Variants in THSD7A observed in about 807,000 individuals in gnomAD.
THSD7A encodes the protein thrombospondin type 1 domain containing 7A.
In THSD7A, 96 loss-of-function variants were observed where a neutral mutation model predicts 231.3. The ratio of observed to expected loss-of-function variants is 0.41; its 90% CI spans 0.35 to 0.49. The LOEUF is 0.49. Ranked by LOEUF, THSD7A falls within the 20% of genes least tolerant of loss-of-function variation. The pLI is 0.05. For missense variants in THSD7A, 2,290 were observed against 2,070.2 expected, an observed-to-expected ratio of 1.11 and a Z score of -2.06; for synonymous variants, 940 against 743.3, an observed-to-expected ratio of 1.26 and a Z score of -4.30.
intron 6 of THSD7A, among the ~76,000 whole-genome samples, chr7:11,498,893 A>G (rs1206264745): frequency 6.6e-6 from 1 of 152,070 alleles, no homozygotes; most frequent in African/African-American, 2.4e-5. Flanking sequence ...GCCCTATGGA[A>G]AAGTGGCCAG....
chr7:11,496,479 G>C (rs1292217124), intron 6 of THSD7A, among the ~76,000 whole-genome samples: 1 of 152,122 alleles, frequency 6.6e-6, no homozygotes. Flanking sequence ...GATGGAGTTG[G>C]AGATTCAGTG....
chr7:11,811,212 G>A lies in THSD7A; in HGVS notation c.190+20545C>T, dbSNP rs762440061. On this transcript the variant is annotated intron_variant, in intron 1 of 27. Coordinates refer to ENST00000423059, the MANE Select transcript of THSD7A (RefSeq NM_015204.3). ...AACAAATTTCCTATGCACATTAACCGACAGAATTATCAAGCACACACACAC... is the reference window on the plus strand; with the variant it reads ...AACAAATTTCCTATGCACATTAACCAACAGAATTATCAAGCACACACACAC... 2.5e-4 allele frequency among the ~76,000 whole-genome samples: 38 copies of A among 152,096 alleles called. 1 individual carries two copies. Among genetic ancestry groups the A allele is most frequent in the African/African-American group, 2.4e-5 (1 of 41,486 alleles).
chr7:11,407,161 G>A (rs111863392), intron 20 of THSD7A, 106 bp from the exon 21 acceptor site: 5 of 1,491,160 alleles, frequency 3.4e-6, no homozygotes, highest in Non-Finnish European at 3.7e-6. Flanking sequence ...GGCAATCCAG[G>A]AACAAGTAAG....
chr7:11,720,669 A>G (rs1321294383), intron 1 of THSD7A, among the ~76,000 whole-genome samples: 1 of 151,536 alleles, frequency 6.6e-6, no homozygotes, highest in Non-Finnish European at 1.5e-5. Flanking sequence ...ACTGGTTCTT[A>G]TCTCCATCAC....
Position 11,412,636 on chromosome 7 carries a change from T to A in THSD7A, c.3682+20A>T. ...ACAGGATTTGGACTTAACTCCGTGA[T>A]CAGATGATGATCCATGTACCTGTTA... On this transcript the variant is annotated intron_variant, in intron 18 of 27. Coordinates refer to ENST00000423059, the MANE Select transcript of THSD7A (RefSeq NM_015204.3). 1.2e-6 allele frequency: 2 copies of A among 1,613,254 alleles called. No individual in the cohort carries two copies. Among genetic ancestry groups the A allele is most frequent in the South Asian group, 1.1e-5 (1 of 90,988 alleles).
intron 23 of THSD7A, among the ~76,000 whole-genome samples, chr7:11,391,509 T>G (rs1782980022): frequency 6.6e-6 from 1 of 152,192 alleles, no homozygotes; most frequent in African/African-American, 2.4e-5. Context: ...TTCAAGCCAG[T>G]GGATCTTAGC....
At chr7:11,550,514 C>T (rs1224406856) in intron 4 of THSD7A, among the ~76,000 whole-genome samples, 2 of 152,110 alleles carry the variant, frequency 1.3e-5, no homozygotes, top group Non-Finnish European at 2.9e-5. Flanking sequence ...AGTGAGTTCT[C>T]ACAATATCTG....
intron 4 of THSD7A, among the ~76,000 whole-genome samples, chr7:11,584,883 C>T (rs929301): frequency 0.72 from 108,951 of 151,988 alleles, 39,404 homozygotes; most frequent in Admixed American, 0.82. Context: ...AGTGTGAGTG[C>T]GAATATAGCC....
chr7:11,465,534 G>A (rs1181611664), intron 9 of THSD7A, among the ~76,000 whole-genome samples: 1 of 151,958 alleles, frequency 6.6e-6, no homozygotes, highest in Non-Finnish European at 1.5e-5. Flanking sequence ...ATTTCACCGA[G>A]AAATTACTTG....
intron 6 of THSD7A, among the ~76,000 whole-genome samples, chr7:11,489,065 C>T (rs1281784507): frequency 6.6e-6 from 1 of 152,116 alleles, no homozygotes; most frequent in Non-Finnish European, 1.5e-5. Context: ...TCCCTGTTCA[C>T]TCACCTTTAC....
intron 4 of THSD7A, among the ~76,000 whole-genome samples, chr7:11,547,761 C>T (rs558508038): frequency 6.6e-6 from 1 of 152,232 alleles, no homozygotes; most frequent in Non-Finnish European, 1.5e-5. Flanking sequence ...TTCTGAATGA[C>T]TTTTGGGTAA....
chr7:11,583,593 A>G lies in THSD7A; in HGVS notation c.1453+6867T>C, dbSNP rs540210050. On this transcript the variant is annotated intron_variant, in intron 4 of 27. Transcript: ENST00000423059. Reference sequence around the variant, plus strand: ...GCCTGGCCTCTATCTGCTATTTCTAATACAGTATTTTCAATCTTGGGAGTC... The same window carrying G: ...GCCTGGCCTCTATCTGCTATTTCTAGTACAGTATTTTCAATCTTGGGAGTC... 3.3e-5 allele frequency among the ~76,000 whole-genome samples: 5 copies of G among 152,146 alleles called. No individual in the cohort carries two copies. The South Asian group carries it at 1.0e-3, about 32-fold the overall frequency.
chr7:11,507,906 T>C (rs1787621230), intron 6 of THSD7A, among the ~76,000 whole-genome samples: 1 of 152,206 alleles, frequency 6.6e-6, no homozygotes, highest in Admixed American at 6.5e-5. Context: ...TACCTGAGAC[T>C]GGCTAATTTA....
At chr7:11,607,850 C>G (rs1200140335) in intron 2 of THSD7A, among the ~76,000 whole-genome samples, 2 of 152,072 alleles carry the variant, frequency 1.3e-5, no homozygotes, top group African/African-American at 2.4e-5. Flanking sequence ...GGGAACATTG[C>G]CAAACGGTGT....
intron 2 of THSD7A, among the ~76,000 whole-genome samples, chr7:11,635,062 A>T (rs1781785397): frequency 6.6e-6 from 1 of 152,194 alleles, no homozygotes; most frequent in Non-Finnish European, 1.5e-5. Flanking sequence ...TAACATGCAA[A>T]TGTGGTCTGT....
chr7:11,598,342 T>A (rs950921980), intron 2 of THSD7A, among the ~76,000 whole-genome samples: 4 of 152,186 alleles, frequency 2.6e-5, no homozygotes, highest in Non-Finnish European at 4.4e-5. Context: ...CACCAATGGG[T>A]GACCTCAGCA....
At chr7:11,773,187 T>C (rs1263569190) in intron 1 of THSD7A, among the ~76,000 whole-genome samples, 2 of 152,166 alleles carry the variant, frequency 1.3e-5, no homozygotes, top group African/African-American at 4.8e-5. Context: ...AATGCATATT[T>C]ATGGAATTTT....
rs973422730 is a variant in THSD7A, at chr7:11,831,524, G to A, written c.190+233C>T. Among the ~76,000 whole-genome samples, 8 of 152,288 alleles carry A rather than the reference G, an allele frequency of 5.3e-5. No individual in the cohort carries two copies. Among genetic ancestry groups the A allele is most frequent in the African/African-American group, 1.9e-4 (8 of 41,564 alleles). On this transcript the variant is annotated intron_variant, in intron 1 of 27. Coordinates refer to ENST00000423059, the MANE Select transcript of THSD7A (RefSeq NM_015204.3). The surrounding 1 kb of genome is among the most constrained non-coding windows in gnomAD (Gnocchi z 5.0). ...GGAAGTGCGCGTTGCCCTCATTACA[G>A]AGCTGCGAGAGAAATATTCCAGCTA...
intron 1 of THSD7A, among the ~76,000 whole-genome samples, chr7:11,723,252 A>G (rs1181793277): frequency 6.6e-6 from 1 of 150,876 alleles, no homozygotes; most frequent in Non-Finnish European, 1.5e-5. Flanking sequence ...GCATGTCCTC[A>G]ATCATAGGTG....
Sources: allele counts gnomAD v4.1 joint callset (sites outside exome capture counted in the v4.1 genomes callset), GRCh38; gene constraint gnomAD v4.1.1; non-coding constraint Gnocchi (gnomAD v3.1); transcripts MANE v1.5; gene names NCBI Gene and HGNC (gene_info 2026-07-23, HGNC 2026-07-21).